Variants in PIP5K1B observed in about 807,000 individuals in gnomAD.
The protein encoded by PIP5K1B is phosphatidylinositol-4-phosphate 5-kinase type 1 beta.
In PIP5K1B, 42 loss-of-function variants were observed where a neutral mutation model predicts 67.0. The ratio of observed to expected loss-of-function variants is 0.63; its 90% CI spans 0.49 to 0.81. PIP5K1B has a LOEUF of 0.81. Ranked by LOEUF, PIP5K1B falls within the 30% of genes least tolerant of loss-of-function variation. The probability of loss-of-function intolerance (pLI) is 0.00; values close to 1 mark genes in which losing one functional copy is unlikely to be tolerated. For missense variants in PIP5K1B, 459 were observed against 646.3 expected (o/e 0.71, Z 3.14); for synonymous variants, 214 against 231.4 (o/e 0.92, Z 0.68).
chr9:68,841,338 A>T (rs552070775), intron 4 of PIP5K1B, among the ~76,000 whole-genome samples: 1 of 152,176 alleles, frequency 6.6e-6, no homozygotes, highest in African/African-American at 2.4e-5. Flanking sequence ...GGCCCCCTTC[A>T]TTTCCTGGAT....
At chr9:68,946,657 G>T (rs1418374701) in intron 14 of PIP5K1B, among the ~76,000 whole-genome samples, 1 of 151,904 alleles carries the variant, frequency 6.6e-6, no homozygotes, top group African/African-American at 2.4e-5. Flanking sequence ...GCCTCCAAAA[G>T]TGCTGGGATT....
At chr9:68,954,906 G>A (rs1451584899) in intron 14 of PIP5K1B, among the ~76,000 whole-genome samples, 1 of 152,190 alleles carries the variant, frequency 6.6e-6, no homozygotes, top group East Asian at 1.9e-4. Context: ...AGTCCCCAGA[G>A]GTGTCTCCTT....
At chr9:68,786,277 A>T (rs1359690898) in intron 2 of PIP5K1B, 1 of 152,210 alleles carries the variant, frequency 6.6e-6, no homozygotes, top group Non-Finnish European at 1.5e-5. Context: ...TTTCTTGAGC[A>T]TTCACTATGG....
chr9:68,715,667 C>T (rs899165142), intron 1 of PIP5K1B, among the ~76,000 whole-genome samples: 2 of 152,120 alleles, frequency 1.3e-5, no homozygotes, highest in Non-Finnish European at 2.9e-5. Flanking sequence ...CCCATAGTGT[C>T]GGCACATGTA....
chr9:68,754,014 T>A (rs1224548627), intron 2 of PIP5K1B, among the ~76,000 whole-genome samples: 1 of 152,046 alleles, frequency 6.6e-6, no homozygotes, highest in Non-Finnish European at 1.5e-5. Flanking sequence ...AGTAATTTTG[T>A]CAAGTTCTAA....
intron 5 of PIP5K1B, among the ~76,000 whole-genome samples, chr9:68,871,468 T>C (rs149281025): frequency 1.3e-5 from 2 of 152,312 alleles, no homozygotes; most frequent in East Asian, 3.9e-4. Flanking sequence ...ATTGTGTAAT[T>C]CTGAACATAC....
At chr9:68,975,556 C>G (rs528165660) in intron 14 of PIP5K1B, among the ~76,000 whole-genome samples, 1 of 152,272 alleles carries the variant, frequency 6.6e-6, no homozygotes, top group South Asian at 2.1e-4. Context: ...GCCTATTTGC[C>G]GAGGCCAGCT....
intron 14 of PIP5K1B, among the ~76,000 whole-genome samples, chr9:68,950,490 C>T (rs1263719510): frequency 4.6e-5 from 7 of 152,206 alleles, no homozygotes; most frequent in African/African-American, 1.4e-4. Context: ...CCTTCCCTGC[C>T]ATGGCCTCTC....
At position 68,919,469 on chromosome 9, in the gene PIP5K1B, C is replaced by G. The variant is rs373720811; in HGVS notation, c.984-10C>G. On this transcript the variant is annotated splice_polypyrimidine_tract_variant and intron_variant, in intron 9 of 15. Coordinates refer to ENST00000265382, the MANE Select transcript of PIP5K1B (RefSeq NM_003558.4). ...GTAATCAAATATTTTCTCTTTTGCT[C>G]CATCAACAGAATGGGAGGCATTCCA... The G allele has an allele frequency of 7.7e-6, 11 of 1,420,822 alleles. No homozygotes were observed. The African/African-American group carries it at 1.4e-4, about 19-fold the overall frequency. The allele number at this position is 1,420,822 out of a possible 1,614,324, so 88.0% of individuals were successfully genotyped here.
At position 68,963,332 on chromosome 9, in the gene PIP5K1B, A is replaced by G. The variant is rs149678914; in HGVS notation, c.1502+22542A>G. 2.8e-3 allele frequency: 1,175 copies of G among 413,394 alleles called. 14 individuals are homozygous for G. Among genetic ancestry groups the G allele is most frequent in the African/African-American group, 0.023 (1,096 of 48,652 alleles). The allele number at this position is 413,394 out of a possible 1,614,324, so 25.6% of individuals were successfully genotyped here. Reference sequence around the variant, plus strand: ...AGCCTGGGCAATATGGTGAAACCCCATCTCTACTAAAAATACAAACATTAG... The same window carrying G: ...AGCCTGGGCAATATGGTGAAACCCCGTCTCTACTAAAAATACAAACATTAG... On this transcript the variant is annotated intron_variant, in intron 14 of 15. Transcript: ENST00000265382.
intron 2 of PIP5K1B, among the ~76,000 whole-genome samples, chr9:68,799,012 A>G (rs1454567064): frequency 2.6e-5 from 4 of 152,232 alleles, no homozygotes; most frequent in Non-Finnish European, 5.9e-5. Context: ...ATGGGAATGA[A>G]GTGACATTGA....
intron 12 of PIP5K1B, among the ~76,000 whole-genome samples, chr9:68,927,588 A>G (rs893450105): frequency 7.2e-5 from 11 of 152,196 alleles, no homozygotes; most frequent in Non-Finnish European, 1.6e-4. Context: ...ATGCTCACTC[A>G]AACCCTTTGC....
At position 68,940,657 on chromosome 9, in the gene PIP5K1B, C is replaced by T. The variant is rs1386471121; in HGVS notation, c.1369C>T (p.Arg457Ter). Residue 457 changes from arginine (R) to a stop codon, truncating the protein, a stop_gained, in exon 14 of 16, where the codon CGA becomes TGA. Coordinates refer to ENST00000265382, the MANE Select transcript of PIP5K1B (RefSeq NM_003558.4). LOFTEE classifies it high-confidence loss of function. ...SSLDEEALGS[R>*]HRPDLVPSTP... is the part of the protein sequence containing the mutation. Reference sequence around the variant, plus strand: ...GCTTTCGTTCCTAGCCCTGGGATCCCGACACAGGCCAGACCTGGTCCCTAG... The same window carrying T: ...GCTTTCGTTCCTAGCCCTGGGATCCTGACACAGGCCAGACCTGGTCCCTAG... 3.7e-6 allele frequency: 6 copies of T among 1,613,510 alleles called. No homozygotes were observed. Among genetic ancestry groups the T allele is most frequent in the South Asian group, 1.1e-5 (1 of 91,024 alleles).
intron 4 of PIP5K1B, among the ~76,000 whole-genome samples, chr9:68,827,820 G>T (rs1371598871): frequency 1.3e-5 from 2 of 152,166 alleles, no homozygotes; most frequent in Non-Finnish European, 2.9e-5. Flanking sequence ...GTTTAAAAAG[G>T]CAAGAGACCT....
chr9:68,708,278 T>G (rs1235264315), intron 1 of PIP5K1B: 1 of 152,214 alleles, frequency 6.6e-6, no homozygotes, highest in African/African-American at 2.4e-5. Flanking sequence ...ATAAAGTAAG[T>G]GCTCAGTAAA....
chr9:68,893,788 A>G (rs1014410534), intron 7 of PIP5K1B, among the ~76,000 whole-genome samples: 1 of 152,238 alleles, frequency 6.6e-6, no homozygotes, highest in African/African-American at 2.4e-5. Context: ...GGTGACTAAA[A>G]ATACATAAGT....
chr9:68,873,597 G>A (rs1823732654), intron 5 of PIP5K1B, among the ~76,000 whole-genome samples: 1 of 123,148 alleles, frequency 8.1e-6, no homozygotes, highest in Admixed American at 9.4e-5. Flanking sequence ...TTCCCATTTT[G>A]GCATTTATTT....
intron 1 of PIP5K1B, among the ~76,000 whole-genome samples, chr9:68,739,623 A>T (rs1219880807): frequency 6.6e-6 from 1 of 152,204 alleles, no homozygotes; most frequent in East Asian, 1.9e-4. Context: ...AGGCTGTGAT[A>T]TCTCAGATTG....
At chr9:68,782,182 T>C (rs1831328538) in intron 2 of PIP5K1B, 1 of 167,120 alleles carries the variant, frequency 6.0e-6, no homozygotes, top group Non-Finnish European at 1.5e-5. Context: ...CTTGGGTTTC[T>C]GACAGCAACA....
Sources: allele counts gnomAD v4.1 joint callset (sites outside exome capture counted in the v4.1 genomes callset), GRCh38; gene constraint gnomAD v4.1.1; transcripts MANE v1.5; gene names NCBI Gene and HGNC (gene_info 2026-07-23, HGNC 2026-07-21).